The following RPL39L variants were observed in gnomAD, a reference collection of about 807,000 sequenced individuals.
RPL39L encodes ribosomal protein L39 like.
For synonymous variants in RPL39L, 16 were observed against 20.1 expected (o/e 0.80, Z 0.55); for missense variants, 48 against 58.9 (o/e 0.81, Z 0.61).
chr3:187,121,941 G>A (rs1720317291), intron 2 of RPL39L, among the ~76,000 whole-genome samples: 1 of 152,110 alleles, frequency 6.6e-6, no homozygotes, highest in South Asian at 2.1e-4. Context: ...CTTTTCCAGT[G>A]TCCTGCTATG....
Position 187,121,182 on chromosome 3 carries a change from T to C in RPL39L, c.119A>G (p.Lys40Arg). 6.2e-7 allele frequency: 1 copy of C among 1,613,940 alleles called. No homozygotes were observed. Among genetic ancestry groups the C allele is most frequent in the Non-Finnish European group, 8.5e-7 (1 of 1,179,854 alleles). The change falls in exon 3 of 3, where the codon AAA (lysine) becomes AGA (arginine). Residue 40 changes from lysine to arginine, a missense_variant. Coordinates refer to ENST00000296277, the MANE Select transcript of RPL39L (RefSeq NM_052969.3). Reference protein sequence around the residue: ...KPGSKIRYNSKRRHWRRTKLG... With the variant: ...KPGSKIRYNSRRRHWRRTKLG... ...CTTGGTTCTTCTCCAATGCCTCCTT[T>C]TGGAGTTGTACCTGATTTTACTACC...
chr3:187,134,238 T>C (rs747762069), intron 1 of RPL39L, among the ~76,000 whole-genome samples: 56 of 151,744 alleles, frequency 3.7e-4, no homozygotes, highest in Non-Finnish European at 6.3e-4. Context: ...ACAGAAAACA[T>C]AGTAACAGAG....
chr3:187,125,721 G>A (rs1720385440), intron 2 of RPL39L, among the ~76,000 whole-genome samples: 1 of 152,100 alleles, frequency 6.6e-6, no homozygotes, highest in Admixed American at 6.6e-5. Context: ...GCGAGGAGAT[G>A]GATTTGAGGT....
intron 1 of RPL39L, among the ~76,000 whole-genome samples, chr3:187,134,357 C>T (rs1417182594): frequency 1.3e-5 from 2 of 151,832 alleles, no homozygotes; most frequent in Non-Finnish European, 2.9e-5. Flanking sequence ...AGGAGTGCTG[C>T]TAGATCTAGA....
chr3:187,139,409 G>A lies in RPL39L; in HGVS notation c.-289C>T, dbSNP rs950103136. The A allele has an allele frequency of 6.6e-6, 1 of 152,178 alleles. No individual in the cohort carries two copies. The highest frequency in any genetic ancestry group is 1.5e-5 in the Non-Finnish European group (1 of 68,056). 9.4% of individuals were successfully genotyped at this position (152,178 alleles called of 1,614,324 possible). On this transcript the variant is annotated 5_prime_UTR_variant, in exon 1 of 3. Coordinates refer to ENST00000296277, the MANE Select transcript of RPL39L (RefSeq NM_052969.3). Reference sequence around the variant, plus strand: ...GGGGCCTTGGTGTCTCTGAGACTCCGAGACGCCTCGCCCCCACCTGGCGTT... The same window carrying A: ...GGGGCCTTGGTGTCTCTGAGACTCCAAGACGCCTCGCCCCCACCTGGCGTT...
intron 1 of RPL39L, among the ~76,000 whole-genome samples, chr3:187,128,810 G>A (rs1720440761): frequency 6.6e-6 from 1 of 152,218 alleles, no homozygotes; most frequent in East Asian, 1.9e-4. Flanking sequence ...CCTGTGGCAA[G>A]CTATTGACTG....
chr3:187,133,001 A>C (rs1720512006), intron 1 of RPL39L, among the ~76,000 whole-genome samples: 1 of 152,234 alleles, frequency 6.6e-6, no homozygotes. Flanking sequence ...AATTCAGCTA[A>C]AATTGTTAAT....
At chr3:187,122,455 T>A (rs1720329576) in intron 2 of RPL39L, among the ~76,000 whole-genome samples, 1 of 152,158 alleles carries the variant, frequency 6.6e-6, no homozygotes, top group South Asian at 2.1e-4. Flanking sequence ...TTTCTGACTG[T>A]CTGAGTTCAC....
chr3:187,126,122 TA>T (rs1042335884), intron 2 of RPL39L, among the ~76,000 whole-genome samples: 3 of 152,132 alleles, frequency 2.0e-5, no homozygotes, highest in Admixed American at 2.0e-4. Context: ...AGACTAAAAA[TA>T]AGAACTTTCT....
intron 1 of RPL39L, among the ~76,000 whole-genome samples, chr3:187,128,771 C>G (rs1298487550): frequency 1.3e-5 from 2 of 152,182 alleles, no homozygotes; most frequent in Admixed American, 1.3e-4. Context: ...CCAAATAGTC[C>G]CCACGGCAAG....
At chr3:187,125,987 T>C (rs1033070803) in intron 2 of RPL39L, among the ~76,000 whole-genome samples, 3 of 152,162 alleles carry the variant, frequency 2.0e-5, no homozygotes, top group Admixed American at 6.5e-5. Context: ...AAGGTTATAT[T>C]ACTATTTAAG....
At chr3:187,135,873 G>A (rs1250948273) in intron 1 of RPL39L, among the ~76,000 whole-genome samples, 3 of 152,378 alleles carry the variant, frequency 2.0e-5, no homozygotes, top group Admixed American at 6.5e-5. Context: ...TTGGTAGAAG[G>A]TGTAGGAGGA....
chr3:187,135,557 C>T (rs1003551765), intron 1 of RPL39L, among the ~76,000 whole-genome samples: 8 of 152,124 alleles, frequency 5.3e-5, no homozygotes, highest in African/African-American at 1.7e-4. Context: ...CATGTGGTAC[C>T]GTAAGCGCAA....
At chr3:187,123,973 A>G (rs1268300372) in intron 2 of RPL39L, among the ~76,000 whole-genome samples, 2 of 152,232 alleles carry the variant, frequency 1.3e-5, no homozygotes, top group African/African-American at 4.8e-5. Context: ...TGCTATCTGC[A>G]TTGGAGACAG....
At chr3:187,124,736 A>C (rs924929781) in intron 2 of RPL39L, among the ~76,000 whole-genome samples, 1 of 152,192 alleles carries the variant, frequency 6.6e-6, no homozygotes, top group Non-Finnish European at 1.5e-5. Context: ...CTGGATATAG[A>C]GGTCATGTGC....
In RPL39L at chr3:187,121,193, C is replaced by T; in HGVS notation, c.108G>A (p.Arg36=). 1 of 1,613,856 alleles carries T rather than the reference C, an allele frequency of 6.2e-7. No homozygotes were observed. The highest frequency in any genetic ancestry group is 1.3e-5 in the African/African-American group (1 of 75,008). The change falls in exon 3 of 3, where the codon AGG becomes AGA. Residue 36 remains arginine, a synonymous_variant. Transcript: ENST00000296277. The part of the protein sequence containing the change: ...WIQMKPGSKI[R]YNSKRRHWRR... ...TCCAATGCCTCCTTTTGGAGTTGTA[C>T]CTGATTTTACTACCAGGTTTCATCT...
At chr3:187,138,951 C>T (rs886078054) in intron 1 of RPL39L, among the ~76,000 whole-genome samples, 1 of 152,158 alleles carries the variant, frequency 6.6e-6, no homozygotes, top group African/African-American at 2.4e-5. Flanking sequence ...CCCAGCTACT[C>T]AGGAGGCTAA....
At position 187,121,053 on chromosome 3, in the gene RPL39L, T is replaced by G; in HGVS notation, c.*92A>C. On this transcript the variant is annotated 3_prime_UTR_variant, in exon 3 of 3. Coordinates refer to ENST00000296277, the MANE Select transcript of RPL39L (RefSeq NM_052969.3). ...ATTCCCAGTAAAACATGTGCAACTGTCCAGGTAGTGGTGACATTTTCAGCT... is the reference window on the plus strand; with the variant it reads ...ATTCCCAGTAAAACATGTGCAACTGGCCAGGTAGTGGTGACATTTTCAGCT... 1 of 1,395,720 alleles carries G rather than the reference T, an allele frequency of 7.2e-7. No homozygotes were observed. Among genetic ancestry groups the G allele is most frequent in the Non-Finnish European group, 1.0e-6 (1 of 992,124 alleles). 86.5% of individuals were successfully genotyped at this position (1,395,720 alleles called of 1,614,324 possible). A position where few individuals can be genotyped will look rare whatever the true frequency, so the allele number is the denominator to read the frequency against.
intron 2 of RPL39L, among the ~76,000 whole-genome samples, chr3:187,125,027 A>T (rs1189153197): frequency 1.3e-5 from 2 of 152,234 alleles, no homozygotes; most frequent in Non-Finnish European, 2.9e-5. Context: ...TGTGGTCTAA[A>T]ACCACATGTC....
Sources: allele counts gnomAD v4.1 joint callset (sites outside exome capture counted in the v4.1 genomes callset), GRCh38; gene constraint gnomAD v4.1.1; transcripts MANE v1.5; gene names NCBI Gene and HGNC (gene_info 2026-07-23, HGNC 2026-07-21).